The following FBXW7 variants were observed in gnomAD, a reference collection of about 807,000 sequenced individuals.
The protein encoded by FBXW7 is F-box/WD repeat-containing protein 7.
A neutral mutation model predicts 86.3 loss-of-function variants in FBXW7; 11 were observed. That is an observed-to-expected ratio of 0.13 (90% CI 0.08 to 0.21). The LOEUF (loss-of-function observed/expected upper bound fraction) is 0.21, where lower values mean the gene tolerates loss of function less well. Among genes scored for constraint, FBXW7 ranks in the 10% least tolerant of loss-of-function variants. The probability of loss-of-function intolerance (pLI) is 1.00; values close to 1 mark genes in which losing one functional copy is unlikely to be tolerated. For missense variants in FBXW7, 488 were observed against 847.4 expected (o/e 0.58, Z 5.27); for synonymous variants, 313 against 297.9 (o/e 1.05, Z -0.52).
intron 4 of FBXW7, among the ~76,000 whole-genome samples, chr4:152,354,433 G>A (rs1367022196): frequency 1.3e-5 from 2 of 152,060 alleles, no homozygotes; most frequent in Non-Finnish European, 2.9e-5. Context: ...GAAAAAAGGT[G>A]ATTTTCCTCA....
At chr4:152,506,361 G>C (rs991764467) in intron 2 of FBXW7, among the ~76,000 whole-genome samples, 67 of 152,182 alleles carry the variant, frequency 4.4e-4, no homozygotes, top group African/African-American at 1.6e-3. Context: ...TCAATCTCCT[G>C]ACCTTGTGAT....
chr4:152,452,939 C>T lies in FBXW7; in HGVS notation c.-119-40410G>A, dbSNP rs557298678. Among the ~76,000 whole-genome samples, 212 of 152,246 alleles carry T rather than the reference C, an allele frequency of 1.4e-3. 1 individual carries two copies. The highest frequency in any genetic ancestry group is 4.5e-3 in the African/African-American group (188 of 41,564). ...GGCTCACGCCTGTAATCCCACCACT[C>T]TGGGAGGCTGAGGCAGGTGGGTTCC... On this transcript the variant is annotated intron_variant, in intron 2 of 13. Coordinates refer to ENST00000281708, the MANE Select transcript of FBXW7 (RefSeq NM_001349798.2).
intron 2 of FBXW7, among the ~76,000 whole-genome samples, chr4:152,494,471 A>C (rs987286148): frequency 1.3e-5 from 2 of 152,092 alleles, no homozygotes; most frequent in African/African-American, 4.8e-5. Flanking sequence ...TGAATTTATA[A>C]TTTTTTTTAA....
intron 4 of FBXW7, among the ~76,000 whole-genome samples, chr4:152,375,157 C>T (rs1162521045): frequency 9.2e-5 from 14 of 151,818 alleles, no homozygotes. Flanking sequence ...TGCTAAGTAA[C>T]AGTGCTATAG....
chr4:152,402,426 G>A (rs1022404963), intron 4 of FBXW7, among the ~76,000 whole-genome samples: 5 of 152,186 alleles, frequency 3.3e-5, no homozygotes, highest in Non-Finnish European at 7.3e-5. Flanking sequence ...CAGAGATTTA[G>A]TTGAGGCAAC....
chr4:152,475,800 T>C (rs1037113993), intron 2 of FBXW7, among the ~76,000 whole-genome samples: 4 of 152,134 alleles, frequency 2.6e-5, no homozygotes, highest in African/African-American at 9.7e-5. Flanking sequence ...ATGTGCAGGA[T>C]CTGCATGCTG....
chr4:152,447,164 C>T (rs898536888), intron 2 of FBXW7, among the ~76,000 whole-genome samples: 2 of 152,202 alleles, frequency 1.3e-5, no homozygotes, highest in African/African-American at 4.8e-5. Flanking sequence ...GTTCTCTTAA[C>T]ATGGTGATTT....
At chr4:152,511,097 C>CA (rs1235051815) in intron 2 of FBXW7, among the ~76,000 whole-genome samples, 1 of 148,126 alleles carries the variant, frequency 6.8e-6, no homozygotes, top group Non-Finnish European at 1.5e-5. Context: ...AGGCTGGTCT[C>CA]AAACTCCTGG....
chr4:152,462,442 T>C (rs1743035912), intron 2 of FBXW7, among the ~76,000 whole-genome samples: 1 of 152,244 alleles, frequency 6.6e-6, no homozygotes, highest in Non-Finnish European at 1.5e-5. Context: ...CCTATGCATG[T>C]ATAGTTTCGT....
At position 152,329,739 on chromosome 4, in the gene FBXW7, C is replaced by G. The variant is rs2126525842; in HGVS notation, c.1169G>C (p.Cys390Ser). ...AGAACCACTAACTATTCGGTTACCA[C>G]AAAACTGTAAGCATGTGATCACATG... ...DDHVITCLQFCGNRIVSGSDD... is the reference protein window; with the variant it reads ...DDHVITCLQFSGNRIVSGSDD... The change falls in exon 10 of 14, where the codon TGT becomes TCT. Residue 390 changes from cysteine (C) to serine (S), a missense_variant. By Grantham distance (112) the Cys-to-Ser change is moderately radical (BLOSUM62 -1). This residue lies in a region of FBXW7 where 142 missense variants were observed against 406.6 expected (regional missense o/e 0.35). Transcript: ENST00000281708. 2 of 1,591,818 alleles carry G rather than the reference C, an allele frequency of 1.3e-6. No homozygotes were observed. Among genetic ancestry groups the G allele is most frequent in the East Asian group, 2.3e-5 (1 of 43,066 alleles).
chr4:152,516,090 G>A (rs1311326944), intron 2 of FBXW7, among the ~76,000 whole-genome samples: 2 of 152,176 alleles, frequency 1.3e-5, no homozygotes, highest in Admixed American at 1.3e-4. Flanking sequence ...AGGAGCCCCG[G>A]CTGATTCCTT....
At chr4:152,504,191 C>T (rs1018890610) in intron 2 of FBXW7, among the ~76,000 whole-genome samples, 7 of 151,944 alleles carry the variant, frequency 4.6e-5, no homozygotes, top group African/African-American at 1.7e-4. Flanking sequence ...ACCAGGCTAA[C>T]ACAAGAAAAA....
intron 4 of FBXW7, among the ~76,000 whole-genome samples, chr4:152,358,655 G>A (rs915274352): frequency 4.6e-5 from 7 of 152,240 alleles, no homozygotes; most frequent in South Asian, 2.1e-4. Context: ...GGATTTAAGC[G>A]CAAGTTTTGC....
chr4:152,380,751 T>TA (rs1024760820), intron 4 of FBXW7, among the ~76,000 whole-genome samples: 1 of 152,004 alleles, frequency 6.6e-6, no homozygotes, highest in Non-Finnish European at 1.5e-5. Flanking sequence ...AAATATTCAA[T>TA]AAAAAAATTA....
At chr4:152,419,512 C>CAT (rs1738755903) in intron 2 of FBXW7, among the ~76,000 whole-genome samples, 1 of 151,186 alleles carries the variant, frequency 6.6e-6, no homozygotes, top group African/African-American at 2.4e-5. Context: ...CACACACACA[C>CAT]ACACACACAC....
intron 4 of FBXW7, among the ~76,000 whole-genome samples, chr4:152,356,248 T>C (rs1732376286): frequency 6.6e-6 from 1 of 152,158 alleles, no homozygotes; most frequent in African/African-American, 2.4e-5. Context: ...CAGAAAATGA[T>C]ACAAAACAAA....
chr4:152,355,650 T>C (rs530364734), intron 4 of FBXW7, among the ~76,000 whole-genome samples: 19 of 152,286 alleles, frequency 1.2e-4, no homozygotes, highest in African/African-American at 4.3e-4. Context: ...AGAAGCATTA[T>C]TGAAATTCCA....
At chr4:152,470,042 T>A (rs1743809148) in intron 2 of FBXW7, among the ~76,000 whole-genome samples, 1 of 152,008 alleles carries the variant, frequency 6.6e-6, no homozygotes, top group Non-Finnish European at 1.5e-5. Context: ...AACTTCAGAG[T>A]TACACCTACT....
At chr4:152,408,895 T>C (rs545282162) in intron 4 of FBXW7, among the ~76,000 whole-genome samples, 1 of 152,298 alleles carries the variant, frequency 6.6e-6, no homozygotes, top group Non-Finnish European at 1.5e-5. Flanking sequence ...GTGAGCTTAA[T>C]AAATAGCAAT....
Sources: allele counts gnomAD v4.1 joint callset (sites outside exome capture counted in the v4.1 genomes callset), GRCh38; gene constraint gnomAD v4.1.1; regional missense constraint gnomAD v4.1.1; transcripts MANE v1.5; gene names NCBI Gene and HGNC (gene_info 2026-07-23, HGNC 2026-07-21).